The following CELF4 variants were observed in gnomAD, a reference collection of about 807,000 sequenced individuals.
CELF4 encodes the protein CUGBP Elav-like family member 4.
CELF4 carries 18 observed loss-of-function variants against 59.9 expected under a neutral mutation model. The ratio of observed to expected loss-of-function variants is 0.30; its 90% CI spans 0.21 to 0.45. CELF4 has a LOEUF of 0.45. Among genes scored for constraint, CELF4 ranks in the 20% least tolerant of loss-of-function variants. CELF4 has a pLI of 1.00. For missense variants in CELF4, 456 were observed against 689.0 expected (o/e 0.66, Z 3.79); for synonymous variants, 261 against 267.1 (o/e 0.98, Z 0.22).
intron 2 of CELF4, among the ~76,000 whole-genome samples, chr18:37,374,731 G>A (rs1251559663): frequency 6.6e-6 from 1 of 152,180 alleles, no homozygotes. Flanking sequence ...TCCCATGGAA[G>A]GGAGGCACAG....
intron 4 of CELF4, 77 bp downstream of exon 4, chr18:37,275,038 G>C (rs2092823804): frequency 2.6e-5 from 40 of 1,564,430 alleles, no homozygotes; most frequent in Non-Finnish European, 3.5e-5. Flanking sequence ...TGGCCCCGGA[G>C]ACTCAGAGGA....
chr18:37,558,147 T>G (rs11877758), intron 1 of CELF4, among the ~76,000 whole-genome samples: 43,668 of 151,516 alleles, frequency 0.29, 6,595 homozygotes, highest in South Asian at 0.43. Context: ...GACTACAGGC[T>G]TGCACCACCA....
At chr18:37,480,079 C>T (rs2099862122) in intron 2 of CELF4, among the ~76,000 whole-genome samples, 1 of 152,182 alleles carries the variant, frequency 6.6e-6, no homozygotes, top group Admixed American at 6.5e-5. Context: ...TGCCAGCCTC[C>T]AGAACTGCGA....
intron 2 of CELF4, among the ~76,000 whole-genome samples, chr18:37,379,782 G>T (rs1304371956): frequency 6.6e-6 from 1 of 152,172 alleles, no homozygotes; most frequent in African/African-American, 2.4e-5. Context: ...TCCTGAGAGT[G>T]CTTGAGAGAT....
intron 2 of CELF4, among the ~76,000 whole-genome samples, chr18:37,343,674 T>A (rs957880161): frequency 6.6e-6 from 1 of 152,118 alleles, no homozygotes; most frequent in African/African-American, 2.4e-5. Flanking sequence ...CACCTGTGCG[T>A]GTATTCAGAG....
intron 12 of CELF4, chr18:37,247,633 G>GCA (rs952049783): frequency 1.3e-5 from 2 of 151,160 alleles, no homozygotes; most frequent in South Asian, 2.1e-4. Context: ...ACACACACAC[G>GCA]CACACACACA....
intron 2 of CELF4, among the ~76,000 whole-genome samples, chr18:37,460,788 A>C (rs949510112): frequency 1.3e-5 from 2 of 152,248 alleles, no homozygotes; most frequent in Non-Finnish European, 2.9e-5. Flanking sequence ...AAGTCTGGTC[A>C]CTGTGGCTCA....
chr18:37,274,510 G>T, intron 5 of CELF4, 56 bp from the exon 6 acceptor site: 1 of 1,608,078 alleles, frequency 6.2e-7, no homozygotes, highest in Non-Finnish European at 8.5e-7. Context: ...GCCCGCAGCT[G>T]TCGGTGCCTC....
rs550977570 is a variant in CELF4, at chr18:37,420,259, G to A, written c.369+65266C>T. 1.1e-4 allele frequency among the ~76,000 whole-genome samples: 17 copies of A among 152,314 alleles called. No homozygotes were observed. The South Asian group carries it at 3.5e-3, about 32-fold the overall frequency. ...GCAGACCCTGCAGCCAGAACCTGGG[G>A]GTTGCAAAACCTGGCTCTACCGCTC... On this transcript the variant is annotated intron_variant, in intron 2 of 12. Coordinates refer to ENST00000420428, the MANE Select transcript of CELF4 (RefSeq NM_020180.4).
intron 4 of CELF4, 42 bp from the exon 5 acceptor site, chr18:37,274,926 G>C: frequency 6.3e-7 from 1 of 1,593,258 alleles, no homozygotes; most frequent in Non-Finnish European, 8.5e-7. Context: ...CAGAAGCAGG[G>C]CCAGGGAGGG....
chr18:37,494,487 G>A (rs546953773), intron 1 of CELF4, among the ~76,000 whole-genome samples: 5 of 152,322 alleles, frequency 3.3e-5, no homozygotes, highest in South Asian at 4.1e-4. Flanking sequence ...CCTCTTCTCT[G>A]GCCAGCAGCT....
chr18:37,263,635 G>A (rs1381972503), intron 10 of CELF4, among the ~76,000 whole-genome samples: 1 of 151,966 alleles, frequency 6.6e-6, no homozygotes, highest in Non-Finnish European at 1.5e-5. Context: ...GCTTATGTGG[G>A]TACCTAGGCA....
intron 3 of CELF4, among the ~76,000 whole-genome samples, chr18:37,293,493 T>C (rs1235341484): frequency 1.3e-5 from 2 of 152,210 alleles, no homozygotes; most frequent in African/African-American, 4.8e-5. Context: ...CCAGTATGAA[T>C]CCAGTATGAC....
intron 2 of CELF4, among the ~76,000 whole-genome samples, chr18:37,478,346 C>T (rs1317517812): frequency 2.0e-5 from 3 of 152,132 alleles, no homozygotes; most frequent in Non-Finnish European, 4.4e-5. Flanking sequence ...CTCATGTGCC[C>T]TCTTGTTTGT....
chr18:37,561,785 T>TA (rs2099986612), intron 1 of CELF4, among the ~76,000 whole-genome samples: 1 of 152,108 alleles, frequency 6.6e-6, no homozygotes, highest in African/African-American at 2.4e-5. Context: ...CAAAAAGGGG[T>TA]AAAATTGGCC....
intron 3 of CELF4, among the ~76,000 whole-genome samples, chr18:37,290,244 T>A (rs2154411860): frequency 6.6e-6 from 1 of 152,310 alleles, no homozygotes; most frequent in East Asian, 1.9e-4. Context: ...TGGAGCCCCC[T>A]GAACATGGGT....
chr18:37,327,017 T>C (rs537592211), intron 2 of CELF4, among the ~76,000 whole-genome samples: 3 of 152,296 alleles, frequency 2.0e-5, no homozygotes, highest in Admixed American at 1.3e-4. Context: ...TGGGGACGAT[T>C]ATGATACAAT....
At chr18:37,256,488 C>G (rs1045579209) in intron 11 of CELF4, among the ~76,000 whole-genome samples, 2 of 152,226 alleles carry the variant, frequency 1.3e-5, no homozygotes, top group Admixed American at 6.5e-5. Context: ...TTAAAATCCC[C>G]TTTTCACAAA....
chr18:37,432,307 T>C (rs1273697821), intron 2 of CELF4, among the ~76,000 whole-genome samples: 2 of 152,168 alleles, frequency 1.3e-5, no homozygotes, highest in South Asian at 2.1e-4. Flanking sequence ...CTGGTTTCCA[T>C]CTGAGGAGGC....
Sources: allele counts gnomAD v4.1 joint callset (sites outside exome capture counted in the v4.1 genomes callset), GRCh38; gene constraint gnomAD v4.1.1; transcripts MANE v1.5; gene names NCBI Gene and HGNC (gene_info 2026-07-23, HGNC 2026-07-21).